Variants in MECR observed in about 807,000 individuals in gnomAD.
MECR encodes the protein enoyl-[acyl-carrier-protein] reductase, mitochondrial.
Under a neutral mutation model 49.1 loss-of-function variants are expected in MECR, and 37 were observed. The ratio of observed to expected loss-of-function variants is 0.75; its 90% CI spans 0.58 to 0.99. The LOEUF (loss-of-function observed/expected upper bound fraction) is 0.99, where lower values mean the gene tolerates loss of function less well. Among genes scored for constraint, MECR ranks in the 50% least tolerant of loss-of-function variants. The pLI is 0.00. For missense variants in MECR, 470 were observed against 479.6 expected (o/e 0.98, Z 0.19); for synonymous variants, 198 against 191.1 (o/e 1.04, Z -0.30).
rs776354855 is a variant in MECR, at chr1:29,230,903, A to G, written c.4T>C (p.Trp2Arg). Reference protein sequence around the residue: MWVCSTLWRVRT... With the variant: MRVCSTLWRVRT... ...ACCCGCCACAGGGTACTGCAGACCC[A>G]CATGCTCGCTCCAACCAACACAGAG... The change falls in exon 1 of 10, where the codon TGG becomes CGG. Residue 2 changes from tryptophan (W) to arginine (R), a missense_variant. Trp to Arg is a moderately radical substitution (Grantham distance 101). Transcript: ENST00000263702. 1 of 1,601,224 alleles carries G rather than the reference A, an allele frequency of 6.2e-7. No homozygotes were observed. Among genetic ancestry groups the G allele is most frequent in the Admixed American group, 1.7e-5 (1 of 57,428 alleles).
chr1:29,206,828 C>T lies in MECR; in HGVS notation c.484G>A (p.Ala162Thr), dbSNP rs1574349837. The stretch of plus-strand genomic sequence containing the variant: ...GTGCAGGGATTGACACCCAGGGTGG[C>T]AGCGCTCTGAAGAGGGATGTCACTC... Reference protein sequence around the residue: ...VPSDIPLQSAATLGVNPCTAY... With the variant: ...VPSDIPLQSATTLGVNPCTAY... Residue 162 changes from alanine to threonine, a missense_variant, in exon 4 of 10, where the codon GCC (alanine) becomes ACC (threonine). By Grantham distance (58) the Ala-to-Thr change is moderately conservative. Transcript: ENST00000263702. 6.2e-7 allele frequency: 1 copy of T among 1,614,184 alleles called. No individual in the cohort carries two copies. The highest frequency in any genetic ancestry group is 8.5e-7 in the Non-Finnish European group (1 of 1,180,034).
the MECR span, chr1:29,168,796 G>A: frequency 2.6e-5 from 4 of 152,194 alleles, no homozygotes; most frequent in Admixed American, 6.5e-5. Context: ...GGATGTGAAT[G>A]AATATTGGCA....
Position 29,200,581 on chromosome 1 carries a change from G to A in MECR, c.765C>T (p.Pro255=), listed in dbSNP as rs752950079. Residue 255 remains proline, a synonymous_variant, in exon 7 of 10, where the codon CCC becomes CCT. Transcript: ENST00000263702. ...CACAGTTGAGAGCAAGCCGTGGCTGGGGCATGTCCTGGAAAACAACAAAAG... is the reference window on the plus strand; with the variant it reads ...CACAGTTGAGAGCAAGCCGTGGCTGAGGCATGTCCTGGAAAACAACAAAAG... The part of the protein sequence containing the change: ...PEMKNFFKDM[P]QPRLALNCVG... 2 of 1,613,622 alleles carry A rather than the reference G, an allele frequency of 1.2e-6. No individual in the cohort carries two copies. The highest frequency in any genetic ancestry group is 2.7e-5 in the African/African-American group (2 of 74,908).
At chr1:29,208,580 T>G (rs575509492) in intron 3 of MECR, among the ~76,000 whole-genome samples, 6 of 152,308 alleles carry the variant, frequency 3.9e-5, no homozygotes, top group African/African-American at 1.4e-4. Context: ...ATGTCAGTAC[T>G]GAGAAGGCCC....
chr1:29,177,303 C>T, the MECR span, among the ~76,000 whole-genome samples: 4 of 136,268 alleles, frequency 2.9e-5, no homozygotes, highest in East Asian at 6.0e-4. Context: ...TTTTTTGAGA[C>T]GAAGTTTTGC....
At chr1:29,185,772 C>T in the MECR span, among the ~76,000 whole-genome samples, 1 of 152,142 alleles carries the variant, frequency 6.6e-6, no homozygotes, top group Non-Finnish European at 1.5e-5. Flanking sequence ...TTCTTAAGAA[C>T]TAGCAATCTG....
the MECR span, among the ~76,000 whole-genome samples, chr1:29,177,223 T>C: frequency 6.6e-6 from 1 of 152,040 alleles, no homozygotes; most frequent in Non-Finnish European, 1.5e-5. Flanking sequence ...GCTAATATTG[T>C]TGCTTCCTTG....
At chr1:29,190,162 CAGG>C (rs1324892362), downstream of MECR, among the ~76,000 whole-genome samples, 1 of 151,488 alleles carries the variant, frequency 6.6e-6, no homozygotes, top group Non-Finnish European at 1.5e-5. Flanking sequence ...ATCACGAGGT[CAGG>C]AGATCGAGAT....
At chr1:29,197,016 A>C (rs566031200) in intron 7 of MECR, among the ~76,000 whole-genome samples, 24 of 152,134 alleles carry the variant, frequency 1.6e-4, no homozygotes, top group Non-Finnish European at 3.2e-4. Flanking sequence ...ACAAAACAAA[A>C]CAACCAAGAA....
the MECR span, chr1:29,170,202 C>T: frequency 3.3e-5 from 5 of 152,192 alleles, no homozygotes; most frequent in Non-Finnish European, 5.9e-5. Context: ...CAACTATTGC[C>T]TGATGACAAG....
chr1:29,212,499 C>T (rs1038224362), intron 3 of MECR, among the ~76,000 whole-genome samples: 1 of 152,180 alleles, frequency 6.6e-6, no homozygotes, highest in African/African-American at 2.4e-5. Flanking sequence ...ACCACATGTA[C>T]AATTACCCAT....
chr1:29,217,979 C>A (rs572008774), intron 1 of MECR, among the ~76,000 whole-genome samples: 1 of 152,298 alleles, frequency 6.6e-6, no homozygotes, highest in Non-Finnish European at 1.5e-5. Context: ...ATGCCTGGGT[C>A]ACCATGGGCA....
downstream of MECR, among the ~76,000 whole-genome samples, chr1:29,189,492 C>G (rs1673081440): frequency 6.6e-6 from 1 of 152,310 alleles, no homozygotes; most frequent in South Asian, 2.1e-4. Context: ...GGATTACAGG[C>G]ATGAGCCGCT....
chr1:29,202,680 G>A (rs553161865), intron 5 of MECR, among the ~76,000 whole-genome samples: 4 of 152,172 alleles, frequency 2.6e-5, no homozygotes, highest in Admixed American at 6.5e-5. Flanking sequence ...GTAAAAGACA[G>A]ATGACAAACC....
chr1:29,200,663 G>T lies in MECR; in HGVS notation c.757-74C>A, dbSNP rs186869922. On this transcript the variant is annotated intron_variant, in intron 6 of 9. Transcript: ENST00000263702. ...GGGGTCTGAAGCTTGCCCAAGTGCT[G>T]TGTTAAAAGGAGGGAGTAAATGAGA... The T allele has an allele frequency of 7.8e-5, 101 of 1,298,612 alleles. No homozygotes were observed. The African/African-American group carries it at 1.4e-3, about 17-fold the overall frequency. The allele number at this position is 1,298,612 out of a possible 1,614,324, so 80.4% of individuals were successfully genotyped here.
At chr1:29,219,152 G>A (rs1434622345) in intron 1 of MECR, among the ~76,000 whole-genome samples, 1 of 152,172 alleles carries the variant, frequency 6.6e-6, no homozygotes, top group East Asian at 1.9e-4. Context: ...TAAGCAAGGA[G>A]GCATCAGCCC....
chr1:29,213,738 G>C (rs1678617180), intron 3 of MECR, among the ~76,000 whole-genome samples: 1 of 152,246 alleles, frequency 6.6e-6, no homozygotes, highest in Non-Finnish European at 1.5e-5. Context: ...CATCACTTTT[G>C]GCTGGGTGAC....
chr1:29,187,196 A>G, the MECR span, among the ~76,000 whole-genome samples: 3 of 152,168 alleles, frequency 2.0e-5, no homozygotes, highest in Non-Finnish European at 2.9e-5. Flanking sequence ...CCTGGCACAC[A>G]CAGGTTAACG....
rs11544658 is a variant in MECR at position 29,202,019 on chromosome 1, C to T, written c.680G>A (p.Arg227Lys). Residue 227 changes from arginine to lysine, a missense_variant, in exon 6 of 10, where the codon AGA becomes AAA. Arg to Lys is a conservative substitution (Grantham distance 26). Transcript: ENST00000263702. The stretch of plus-strand genomic sequence containing the variant: ...ATGCTCAGCCCCCAGACTCTTCAGT[C>T]TGTCACTCAGCTTCTGGATATCAGG... ...DRPDIQKLSD[R>K]LKSLGAEHVI... 2.0e-3 allele frequency: 3,195 copies of T among 1,614,188 alleles called. 12 individuals are homozygous for T. Among genetic ancestry groups the T allele is most frequent in the Middle Eastern group, 9.6e-3 (58 of 6,052 alleles).
Sources: gnomAD v4.1 joint callset for allele counts (sites outside exome capture counted in the v4.1 genomes callset) on GRCh38, gnomAD v4.1.1 for gene constraint, MANE v1.5 for transcripts, NCBI Gene and HGNC (gene_info 2026-07-23, HGNC 2026-07-21) for gene names.